Variants in CHD8 observed in about 807,000 individuals in gnomAD.
CHD8 encodes ATP-dependent chromatin remodeler CHD8.
In CHD8, 31 loss-of-function variants were observed where a neutral mutation model predicts 279.2. The ratio of observed to expected loss-of-function variants is 0.11; its 90% CI spans 0.08 to 0.15. The LOEUF (loss-of-function observed/expected upper bound fraction) is 0.15, where lower values mean the gene tolerates loss of function less well. Ranked by LOEUF, CHD8 falls within the 10% of genes least tolerant of loss-of-function variation. The probability of loss-of-function intolerance (pLI) is 1.00; values close to 1 mark genes in which losing one functional copy is unlikely to be tolerated. For missense variants in CHD8, 2,146 were observed against 3,230.5 expected, an observed-to-expected ratio of 0.66 and a Z score of 8.14; for synonymous variants, 1,081 against 1,139.6, an observed-to-expected ratio of 0.95 and a Z score of 1.04.
At chr14:21,389,806 T>C (rs891755222) in intron 37 of CHD8, among the ~76,000 whole-genome samples, 4 of 152,228 alleles carry the variant, frequency 2.6e-5, no homozygotes. Context: ...AAATTTATTA[T>C]GAATTACAAA....
rs1206158476 is a variant in CHD8 at position 21,407,039 on chromosome 14, A to G, written c.2731-7T>C. 6.4e-7 allele frequency: 1 copy of G among 1,561,916 alleles called. No individual in the cohort carries two copies. Among genetic ancestry groups the G allele is most frequent in the Admixed American group, 2.0e-5 (1 of 50,112 alleles). ...CGCCTGGGATGAGGCGTCCCTAAGC[A>G]TGAAGGCAGTAAAGTCAGAAAAAAC... is the stretch of plus-strand genomic sequence containing the variant. On this transcript the variant is annotated splice_polypyrimidine_tract_variant and splice_region_variant and intron_variant, in intron 13 of 37. Transcript: ENST00000646647.
chr14:21,414,852 GAC>G (rs1442438936), intron 8 of CHD8, 84 bp downstream of exon 8: 1 of 951,980 alleles, frequency 1.1e-6, no homozygotes, highest in Non-Finnish European at 1.6e-6. Context: ...ATAAAAAAGG[GAC>G]ACATTCCCAC....
intron 5 of CHD8, among the ~76,000 whole-genome samples, chr14:21,422,748 C>T (rs1380795599): frequency 1.3e-5 from 2 of 151,968 alleles, no homozygotes; most frequent in African/African-American, 2.4e-5. Flanking sequence ...ACCAACACGG[C>T]GAAACCCTGT....
At chr14:21,443,460 C>A (rs1382421367) in intron 1 of CHD8, among the ~76,000 whole-genome samples, 1 of 152,044 alleles carries the variant, frequency 6.6e-6, no homozygotes, top group East Asian at 1.9e-4. Context: ...GAAAAAACAG[C>A]TAGAGAAGCA....
At chr14:21,411,544 TTAAAAA>T (rs1888492649) in intron 10 of CHD8, among the ~76,000 whole-genome samples, 1 of 152,186 alleles carries the variant, frequency 6.6e-6, no homozygotes, top group Non-Finnish European at 1.5e-5. Context: ...CATTAACATC[TTAAAAA>T]GGCTCTGCTG....
chr14:21,437,138 C>T, intron 1 of CHD8: 1 of 1,019,606 alleles, frequency 9.8e-7, no homozygotes, highest in Non-Finnish European at 1.3e-6. Flanking sequence ...CCCGACAAGC[C>T]CTGAAGGAGA....
chr14:21,391,333 T>C (rs1234439085), intron 36 of CHD8, 130 bp downstream of exon 36: 1 of 852,960 alleles, frequency 1.2e-6, no homozygotes, highest in Non-Finnish European at 1.8e-6. Flanking sequence ...GAAGACTGGG[T>C]ATTATTAATT....
chr14:21,406,090 CATAA>C (rs1888242600), intron 14 of CHD8, among the ~76,000 whole-genome samples: 1 of 152,058 alleles, frequency 6.6e-6, no homozygotes, highest in Non-Finnish European at 1.5e-5. Context: ...ATTGAAATAA[CATAA>C]ATATTATAAG....
chr14:21,405,171 AC>A lies in CHD8; in HGVS notation c.3307+37del. On this transcript the variant is annotated intron_variant, in intron 16 of 37. Coordinates refer to ENST00000646647, the MANE Select transcript of CHD8 (RefSeq NM_001170629.2). This position sits in a 1 kb window ranked among gnomAD's most constrained non-coding sequence, Gnocchi z 4.2. ...AATCATCCGGAAAGTAAACACAGGT[AC>A]TACAGAAGTTCAGGTATATACCAAG... is the stretch of plus-strand genomic sequence containing the variant. 6.2e-7 allele frequency: 1 copy of A among 1,600,446 alleles called. No individual in the cohort carries two copies. The highest frequency in any genetic ancestry group is 8.5e-7 in the Non-Finnish European group (1 of 1,169,720).
Position 21,406,962 on chromosome 14 carries a change from C to T in CHD8, c.2801G>A (p.Cys934Tyr). The T allele has an allele frequency of 6.2e-7, 1 of 1,609,218 alleles. No individual in the cohort carries two copies. The highest frequency in any genetic ancestry group is 8.5e-7 in the Non-Finnish European group (1 of 1,177,694). Residue 934 changes from cysteine to tyrosine, a missense_variant, in exon 14 of 38, where the codon TGT (cysteine) becomes TAT (tyrosine). By Grantham distance (194) the Cys-to-Tyr change is radical (BLOSUM62 -2). Coordinates refer to ENST00000646647, the MANE Select transcript of CHD8 (RefSeq NM_001170629.2). ...CCATTCAATTTCACGAAGCTCAGGA[C>T]AATCTGACAAAATCATCTCAAAAGT... is the stretch of plus-strand genomic sequence containing the variant. ...ITTFEMILSD[C>Y]PELREIEWRC... is the part of the protein sequence containing the mutation.
chr14:21,434,242 G>C lies in CHD8; in HGVS notation c.-215-2384C>G, dbSNP rs145683127. Among the ~76,000 whole-genome samples, 1,455 of 151,952 alleles carry C rather than the reference G, an allele frequency of 9.6e-3. 21 individuals are homozygous for C. Among genetic ancestry groups the C allele is most frequent in the African/African-American group, 0.034 (1,396 of 41,422 alleles). On this transcript the variant is annotated intron_variant, in intron 1 of 37. Transcript: ENST00000646647. Reference sequence around the variant, plus strand: ...GTATTTTTAGTAGAGACAGGTTTTCGCCACGTTAGTCAGACTGGTCTCGGA... The same window carrying C: ...GTATTTTTAGTAGAGACAGGTTTTCCCCACGTTAGTCAGACTGGTCTCGGA...
intron 37 of CHD8, among the ~76,000 whole-genome samples, chr14:21,387,968 T>C (rs1566406483): frequency 2.0e-5 from 3 of 152,014 alleles, no homozygotes; most frequent in Non-Finnish European, 4.4e-5. Flanking sequence ...TCTTACAGGC[T>C]GCTCTATAAT....
Position 21,385,847 on chromosome 14 carries a change from GTGA to G in CHD8, c.7509_7511del (p.His2508del). 6.5e-7 allele frequency: 1 copy of G among 1,537,148 alleles called. No individual in the cohort carries two copies. Among genetic ancestry groups the G allele is most frequent in the Non-Finnish European group, 8.8e-7 (1 of 1,136,460 alleles). On this transcript the variant is annotated inframe_deletion, in exon 38 of 38. Coordinates refer to ENST00000646647, the MANE Select transcript of CHD8 (RefSeq NM_001170629.2). ...CTCTCAAGCCTGGATGGTGATGGTG[GTGA>G]TGGTGGGGGTGGGGGTGGTGGTGGT... is the stretch of plus-strand genomic sequence containing the variant.
Position 21,405,787 on chromosome 14 carries a change from T to C in CHD8, c.2985A>G (p.Glu995=). The stretch of plus-strand genomic sequence containing the variant: ...CTGATTCTGAGGGAAATTGTGACGG[T>C]TCCAAGAAATGAAGCAAGCTAAACA... ...EELFSLLHFL[E]PSQFPSESEF... is the part of the protein sequence containing the mutation. The change falls in exon 15 of 38, where the codon GAA becomes GAG. Residue 995 remains glutamate, a synonymous_variant. Coordinates refer to ENST00000646647, the MANE Select transcript of CHD8 (RefSeq NM_001170629.2). The surrounding 1 kb of genome is among the most constrained non-coding windows in gnomAD (Gnocchi z 4.2). 6.2e-6 allele frequency: 10 copies of C among 1,613,938 alleles called. No individual in the cohort carries two copies. Among genetic ancestry groups the C allele is most frequent in the Non-Finnish European group, 8.5e-6 (10 of 1,179,834 alleles).
chr14:21,406,507 C>G (rs1888259210), intron 14 of CHD8, among the ~76,000 whole-genome samples: 1 of 152,166 alleles, frequency 6.6e-6, no homozygotes, highest in Non-Finnish European at 1.5e-5. Flanking sequence ...TGACTCCAGG[C>G]AAGATCATCA....
chr14:21,411,508 T>C (rs116566951), intron 10 of CHD8, among the ~76,000 whole-genome samples: 1 of 151,972 alleles, frequency 6.6e-6, no homozygotes, highest in Non-Finnish European at 1.5e-5. Flanking sequence ...GAAAAAGTCA[T>C]GAAAAAGCCC....
intron 5 of CHD8, among the ~76,000 whole-genome samples, chr14:21,416,889 T>C (rs1404594131): frequency 6.6e-6 from 1 of 151,692 alleles, no homozygotes; most frequent in Non-Finnish European, 1.5e-5. Flanking sequence ...GTGGATCACC[T>C]GAGGTCAAGA....
intron 5 of CHD8, chr14:21,419,797 C>A: frequency 5.8e-6 from 2 of 342,450 alleles, no homozygotes; most frequent in Non-Finnish European, 5.9e-6. Context: ...TGTCGGAACT[C>A]ACCCATGACC....
chr14:21,440,536 A>AAT (rs1330630735), intron 1 of CHD8, among the ~76,000 whole-genome samples: 1 of 152,120 alleles, frequency 6.6e-6, no homozygotes. Context: ...CAATGAGGAA[A>AAT]AGTTACCAGG....
Sources: gnomAD v4.1 joint callset for allele counts (sites outside exome capture counted in the v4.1 genomes callset) on GRCh38, gnomAD v4.1.1 for gene constraint, Gnocchi (gnomAD v3.1) non-coding constraint, MANE v1.5 for transcripts, NCBI Gene and HGNC (gene_info 2026-07-23, HGNC 2026-07-21) for gene names.